TCF7L2: variants seen among roughly 807,000 people sequenced by gnomAD.
TCF7L2 encodes the protein transcription factor 7 like 2, also known as transcription factor 7-like 2.
In TCF7L2, 23 loss-of-function variants were observed where a neutral mutation model predicts 77.9. That is an observed-to-expected ratio of 0.30 (90% CI 0.21 to 0.42). The LOEUF is 0.42. Ranked by LOEUF, TCF7L2 falls within the 10% of genes least tolerant of loss-of-function variation. The pLI, the probability that TCF7L2 is intolerant of heterozygous loss-of-function variation, is 1.00. For synonymous variants in TCF7L2, 413 were observed against 340.2 expected (o/e 1.21, Z -2.36); for missense variants, 654 against 793.1 (o/e 0.82, Z 2.11).
chr10:113,086,521 G>T (rs140269726), intron 5 of TCF7L2, among the ~76,000 whole-genome samples: 6 of 152,232 alleles, frequency 3.9e-5, no homozygotes, highest in Admixed American at 3.9e-4. Context: ...AGGGCTTGCA[G>T]TGTCTGAGTG....
At chr10:112,965,131 AAT>A (rs947336279) in intron 4 of TCF7L2, among the ~76,000 whole-genome samples, 1 of 152,022 alleles carries the variant, frequency 6.6e-6, no homozygotes, top group African/African-American at 2.4e-5. Flanking sequence ...TGGTGCTAAG[AAT>A]ATCTCTTTGG....
chr10:113,148,681 ATG>A, intron 8 of TCF7L2, among the ~76,000 whole-genome samples: 1 of 152,196 alleles, frequency 6.6e-6, no homozygotes, highest in Non-Finnish European at 1.5e-5. Context: ...GGGGTATATA[ATG>A]AGCTGCTTAG....
At chr10:113,090,719 C>T (rs556933448) in intron 5 of TCF7L2, among the ~76,000 whole-genome samples, 34 of 152,318 alleles carry the variant, frequency 2.2e-4, no homozygotes, top group African/African-American at 8.2e-4. Flanking sequence ...AAGCGATTCG[C>T]CTGCCTCAGC....
At chr10:113,075,316 G>A (rs1291654132) in intron 5 of TCF7L2, among the ~76,000 whole-genome samples, 3 of 151,888 alleles carry the variant, frequency 2.0e-5, no homozygotes, top group Admixed American at 6.6e-5. Context: ...AAAATTAGCC[G>A]GGAGTGGTGA....
At chr10:113,089,448 C>T (rs199699993) in intron 5 of TCF7L2, 9 of 1,613,724 alleles carry the variant, frequency 5.6e-6, no homozygotes, top group Non-Finnish European at 7.6e-6. Flanking sequence ...GCACTTCTAC[C>T]CCCCCTCAGA....
chr10:112,965,629 A>ATATGTGTGTG (rs1409332567), intron 4 of TCF7L2, among the ~76,000 whole-genome samples: 1 of 137,214 alleles, frequency 7.3e-6, no homozygotes, highest in African/African-American at 2.7e-5. Flanking sequence ...GTGTGTGTAT[A>ATATGTGTGTG]TGTGTGTGTG....
At chr10:113,128,012 C>T (rs566665588) in intron 5 of TCF7L2, among the ~76,000 whole-genome samples, 1 of 151,954 alleles carries the variant, frequency 6.6e-6, no homozygotes, top group African/African-American at 2.4e-5. Flanking sequence ...CGGCAGAGAA[C>T]TTGCAGTTTA....
rs1160592712 is a variant in TCF7L2 at position 113,141,347 on chromosome 10, G to A, written c.685+31G>A. 5.0e-6 allele frequency: 8 copies of A among 1,613,788 alleles called. No homozygotes were observed. In the African/African-American group the frequency reaches 1.1e-4, roughly 22 times the overall value. On this transcript the variant is annotated intron_variant, in intron 6 of 13. Coordinates refer to ENST00000627217, the MANE Select transcript of TCF7L2 (RefSeq NM_001146274.2). Reference sequence around the variant, plus strand: ...CTGTGGGCTACGGAGCCAAGGTAGAGTGCTGGTCCTGGGGTTCTGGGGGAA... The same window carrying A: ...CTGTGGGCTACGGAGCCAAGGTAGAATGCTGGTCCTGGGGTTCTGGGGGAA...
At chr10:113,113,506 A>G (rs1313089788) in intron 5 of TCF7L2, among the ~76,000 whole-genome samples, 2 of 152,126 alleles carry the variant, frequency 1.3e-5, no homozygotes, top group Non-Finnish European at 2.9e-5. Flanking sequence ...CTTCTCTTGA[A>G]AGGGGGGTTC....
At chr10:113,070,250 G>A (rs961666084) in intron 5 of TCF7L2, among the ~76,000 whole-genome samples, 3 of 60,824 alleles carry the variant, frequency 4.9e-5, no homozygotes, top group Non-Finnish European at 9.3e-5. Context: ...GTGAGACTCC[G>A]TCTTAAAAAA....
At position 112,964,591 on chromosome 10, in the gene TCF7L2, G is replaced by T; in HGVS notation, c.417G>T (p.Ala139=). Residue 139 remains alanine, a synonymous_variant, in exon 4 of 14, where the codon GCG becomes GCT. Coordinates refer to ENST00000627217, the MANE Select transcript of TCF7L2 (RefSeq NM_001146274.2). ...AGTCCGGCAGCACACATTACTCTGCGTACAAAACGATTGAACACCAGATTG... is the reference window on the plus strand; with the variant it reads ...AGTCCGGCAGCACACATTACTCTGCTTACAAAACGATTGAACACCAGATTG... The T allele has an allele frequency of 1.2e-6, 2 of 1,613,300 alleles. No individual in the cohort carries two copies. The highest frequency in any genetic ancestry group is 1.7e-6 in the Non-Finnish European group (2 of 1,179,470).
chr10:112,985,545 G>A (rs1471848072), intron 4 of TCF7L2, among the ~76,000 whole-genome samples: 2 of 152,002 alleles, frequency 1.3e-5, no homozygotes, highest in African/African-American at 2.4e-5. Flanking sequence ...TTTCATTGTT[G>A]AGGAAAAACA....
At chr10:113,074,398 T>TAAA (rs372209924) in intron 5 of TCF7L2, among the ~76,000 whole-genome samples, 1 of 152,172 alleles carries the variant, frequency 6.6e-6, no homozygotes, top group Non-Finnish European at 1.5e-5. Flanking sequence ...TGTGTGATTT[T>TAAA]AACAAGACGT....
At chr10:113,138,585 G>T (rs2067798477) in intron 5 of TCF7L2, among the ~76,000 whole-genome samples, 1 of 152,108 alleles carries the variant, frequency 6.6e-6, no homozygotes, top group African/African-American at 2.4e-5. Context: ...ATGTCATCTG[G>T]ACAGCTTCTT....
chr10:113,108,954 A>T (rs1237360988), intron 5 of TCF7L2, among the ~76,000 whole-genome samples: 74 of 152,232 alleles, frequency 4.9e-4, no homozygotes, highest in Non-Finnish European at 4.4e-5. Context: ...TTATTTAAAA[A>T]TCAGAAGGCA....
chr10:113,054,991 C>T (rs1166987461), intron 5 of TCF7L2, among the ~76,000 whole-genome samples: 1 of 152,072 alleles, frequency 6.6e-6, no homozygotes, highest in Non-Finnish European at 1.5e-5. Context: ...TATGCATATA[C>T]TACAGCTTTC....
chr10:112,964,448 G>A (rs1462551230), intron 3 of TCF7L2, 108 bp from the exon 4 acceptor site: 8 of 907,570 alleles, frequency 8.8e-6, no homozygotes. Flanking sequence ...GAATGCCAAG[G>A]CTGCAGTTCA....
intron 4 of TCF7L2, among the ~76,000 whole-genome samples, chr10:113,014,168 A>C (rs7904519): frequency 6.6e-6 from 1 of 151,926 alleles, no homozygotes; most frequent in Non-Finnish European, 1.5e-5. Flanking sequence ...GTTAGTTCCC[A>C]GGTCGGCATT....
At chr10:113,153,338 G>A (rs557644420) in intron 11 of TCF7L2, among the ~76,000 whole-genome samples, 1 of 152,294 alleles carries the variant, frequency 6.6e-6, no homozygotes, top group African/African-American at 2.4e-5. Context: ...TTTATTTCAT[G>A]ACATTTGGTT....
Sources: gnomAD v4.1 joint callset for allele counts (sites outside exome capture counted in the v4.1 genomes callset) on GRCh38, gnomAD v4.1.1 for gene constraint, MANE v1.5 for transcripts, NCBI Gene and HGNC (gene_info 2026-07-23, HGNC 2026-07-21) for gene names.